PRELID2: variants seen among roughly 807,000 people sequenced by gnomAD.
PRELID2 encodes PRELI domain containing 2, also known as PRELI domain-containing protein 2.
A neutral mutation model predicts 28.4 loss-of-function variants in PRELID2; 25 were observed. The observed-to-expected ratio is 0.88, with a 90% CI of 0.64 to 1.23. PRELID2 has a LOEUF of 1.23. PRELID2 is among the 50% of genes most tolerant of loss of function. The pLI is 0.00. For synonymous variants in PRELID2, 76 were observed against 71.6 expected (o/e 1.06, Z -0.31); for missense variants, 201 against 214.4 (o/e 0.94, Z 0.39).
At chr5:145,356,401 T>G in the PRELID2 span, among the ~76,000 whole-genome samples, 1 of 152,034 alleles carries the variant, frequency 6.6e-6, no homozygotes, top group Non-Finnish European at 1.5e-5. Context: ...GTGCAGTTAT[T>G]TAAGTCTCTT....
the PRELID2 span, among the ~76,000 whole-genome samples, chr5:145,236,436 C>A: frequency 6.6e-6 from 1 of 152,244 alleles, no homozygotes; most frequent in Non-Finnish European, 1.5e-5. Flanking sequence ...AGGTAAAAGC[C>A]TCAGACATCT....
chr5:145,344,895 T>C, the PRELID2 span, among the ~76,000 whole-genome samples: 2 of 152,132 alleles, frequency 1.3e-5, no homozygotes, highest in Non-Finnish European at 2.9e-5. Flanking sequence ...TAATCATTAC[T>C]TTTACTGATT....
the PRELID2 span, among the ~76,000 whole-genome samples, chr5:145,330,404 G>A: frequency 6.6e-6 from 1 of 152,120 alleles, no homozygotes; most frequent in Admixed American, 6.5e-5. Flanking sequence ...GTCTGGTCCT[G>A]AGCTATATTT....
intron 5 of PRELID2, among the ~76,000 whole-genome samples, chr5:145,773,491 C>T (rs1758229160): frequency 6.6e-6 from 1 of 152,212 alleles, no homozygotes; most frequent in South Asian, 2.1e-4. Flanking sequence ...TGGCCTCTCC[C>T]CCAGTGCCAT....
At chr5:145,350,783 A>C in the PRELID2 span, among the ~76,000 whole-genome samples, 1 of 152,150 alleles carries the variant, frequency 6.6e-6, no homozygotes, top group Non-Finnish European at 1.5e-5. Context: ...TCCAGGAAGG[A>C]AGGCAAAAAT....
intron 1 of PRELID2, among the ~76,000 whole-genome samples, chr5:145,597,047 T>A (rs1166702655): frequency 1.3e-5 from 2 of 152,098 alleles, no homozygotes; most frequent in Admixed American, 1.3e-4. Flanking sequence ...CATAAGCACA[T>A]CAGTAGAGTT....
At chr5:145,640,081 G>A (rs1427693584) in intron 1 of PRELID2, among the ~76,000 whole-genome samples, 2 of 152,036 alleles carry the variant, frequency 1.3e-5, no homozygotes, top group South Asian at 4.1e-4. Context: ...AATGTTTCTT[G>A]GAATCAGTGT....
intron 1 of PRELID2, among the ~76,000 whole-genome samples, chr5:145,610,048 C>A (rs749339562): frequency 1.4e-4 from 21 of 152,162 alleles, no homozygotes; most frequent in Non-Finnish European, 2.9e-4. Context: ...GGAGAGATGA[C>A]CCTATAAAAT....
chr5:145,481,375 C>T (rs1752157660), intron 1 of PRELID2, among the ~76,000 whole-genome samples: 1 of 151,756 alleles, frequency 6.6e-6, no homozygotes, highest in African/African-American at 2.4e-5. Flanking sequence ...CTCCCTGACC[C>T]TAGTTGTCCT....
chr5:145,386,677 T>C, the PRELID2 span, among the ~76,000 whole-genome samples: 16 of 152,214 alleles, frequency 1.1e-4, no homozygotes, highest in Admixed American at 2.6e-4. Flanking sequence ...CTGTCTTTTG[T>C]TGGCATTATT....
chr5:145,832,581 T>C (rs1755667860), intron 1 of PRELID2, among the ~76,000 whole-genome samples: 1 of 152,202 alleles, frequency 6.6e-6, no homozygotes, highest in South Asian at 2.1e-4. Context: ...GCTGTGAGTT[T>C]CGGATCCATG....
At chr5:145,624,839 CA>C (rs1753821340) in intron 1 of PRELID2, among the ~76,000 whole-genome samples, 1 of 152,004 alleles carries the variant, frequency 6.6e-6, no homozygotes, top group Non-Finnish European at 1.5e-5. Context: ...GTGTAATCAA[CA>C]AAAAATTAAT....
Position 145,606,214 on chromosome 5 carries a change from C to G in PRELID2, n.71-132899G>C, listed in dbSNP as rs190059889. Among the ~76,000 whole-genome samples the G allele has an allele frequency of 1.3e-3, 194 of 152,238 alleles. 1 individual carries two copies. Among genetic ancestry groups the G allele is most frequent in the African/African-American group, 4.5e-3 (186 of 41,556 alleles). On this transcript the variant is annotated intron_variant and non_coding_transcript_variant, in intron 1 of 2. Transcript: ENST00000510259. ...GGTATAGAATCACATCATCTACAAA[C>G]AGAGATAGTTTGACATCCTCTCTTC... is the stretch of plus-strand genomic sequence containing the variant.
At chr5:145,487,913 A>G (rs1752232235) in intron 1 of PRELID2, among the ~76,000 whole-genome samples, 1 of 151,906 alleles carries the variant, frequency 6.6e-6, no homozygotes, top group South Asian at 2.1e-4. Context: ...TCATGAGGTC[A>G]GGAGATCGAG....
rs561787022 is a variant in PRELID2, at chr5:145,724,399, A to G, written n.70+40532T>C. ...CTGAGATAATGAAAGGAAACAAAAG[A>G]GGCTTAAGCAGAATCCTGAATTGAA... On this transcript the variant is annotated intron_variant and non_coding_transcript_variant, in intron 1 of 2. Coordinates refer to the PRELID2 transcript ENST00000510259. Among the ~76,000 whole-genome samples the G allele has an allele frequency of 9.8e-4, 149 of 151,736 alleles. 1 individual carries two copies. The highest frequency in any genetic ancestry group is 3.5e-3 in the African/African-American group (145 of 41,436).
chr5:145,305,779 T>C, the PRELID2 span, among the ~76,000 whole-genome samples: 3 of 152,148 alleles, frequency 2.0e-5, no homozygotes, highest in African/African-American at 7.2e-5. Flanking sequence ...TACCACATCC[T>C]GGCACAAAGC....
intron 1 of PRELID2, among the ~76,000 whole-genome samples, chr5:145,695,638 C>T (rs1264428592): frequency 1.3e-5 from 2 of 152,108 alleles, no homozygotes; most frequent in African/African-American, 4.8e-5. Flanking sequence ...GATCTGAAGG[C>T]TTCACGGGGT....
chr5:145,741,803 A>G (rs1303420222), intron 1 of PRELID2, among the ~76,000 whole-genome samples: 1 of 104,108 alleles, frequency 9.6e-6, no homozygotes, highest in Admixed American at 1.3e-4. Flanking sequence ...TTTATATATA[A>G]ATTTATTTAT....
chr5:145,543,011 T>C lies in PRELID2; in HGVS notation n.71-69696A>G, dbSNP rs1034148448. On this transcript the variant is annotated intron_variant and non_coding_transcript_variant, in intron 1 of 2. Coordinates refer to the PRELID2 transcript ENST00000510259. ...AGCTGTGTACAAGCTGTTAGCTTTT[T>C]CTTCCTGCTCTTTGCTTAGTTCACT... is the stretch of plus-strand genomic sequence containing the variant. 2.0e-5 allele frequency among the ~76,000 whole-genome samples: 3 copies of C among 152,190 alleles called. No individual in the cohort carries two copies. The South Asian group carries it at 6.2e-4, about 32-fold the overall frequency.
Sources: gnomAD v4.1 joint callset for allele counts (sites outside exome capture counted in the v4.1 genomes callset) on GRCh38, gnomAD v4.1.1 for gene constraint, MANE v1.5 for transcripts, NCBI Gene and HGNC (gene_info 2026-07-23, HGNC 2026-07-21) for gene names.